Variants in MROH1 observed in about 807,000 individuals in gnomAD.
MROH1 encodes maestro heat like repeat family member 1, also known as maestro heat-like repeat-containing protein family member 1.
MROH1 carries 117 observed loss-of-function variants against 116.5 expected under a neutral mutation model. The ratio of observed to expected loss-of-function variants is 1.00; its 90% confidence interval spans 0.86 to 1.17. MROH1 has a LOEUF of 1.17. MROH1 is among the 50% of genes most tolerant of loss of function. The pLI is 0.00. For synonymous variants in MROH1, 921 were observed against 583.9 expected (o/e 1.58, Z -8.32); for missense variants, 1,873 against 1,338.5 (o/e 1.40, Z -6.23).
At chr8:144,225,553 T>TC (rs1837625279) in intron 14 of MROH1, among the ~76,000 whole-genome samples, 1 of 151,708 alleles carries the variant, frequency 6.6e-6, no homozygotes, top group African/African-American at 2.4e-5. Context: ...AATTTTTTTT[T>TC]AATGGCCAGT....
intron 4 of MROH1, among the ~76,000 whole-genome samples, chr8:144,175,323 T>C (rs963560237): frequency 6.8e-6 from 1 of 148,148 alleles, no homozygotes; most frequent in African/African-American, 2.6e-5. Flanking sequence ...TGGGTATAAA[T>C]GCCCTGCTAC....
chr8:144,149,525 C>T (rs970048319), intron 1 of MROH1, among the ~76,000 whole-genome samples: 8 of 152,096 alleles, frequency 5.3e-5, no homozygotes, highest in African/African-American at 9.7e-5. Context: ...GAAACAGGTG[C>T]TGGTGCTTAG....
chr8:144,200,485 A>G lies in MROH1; in HGVS notation c.1085A>G (p.Asn362Ser). 1 of 1,552,218 alleles carries G rather than the reference A, an allele frequency of 6.4e-7. No homozygotes were observed. Among genetic ancestry groups the G allele is most frequent in the East Asian group, 2.4e-5 (1 of 41,056 alleles). ...CTGCTGCCCAGGCTGGACACCAGCA[A>G]TGAGAGGACCCGCGTGGGCACCCTG... is the stretch of plus-strand genomic sequence containing the variant. The part of the protein sequence containing the change: ...AFLLPRLDTS[N>S]ERTRVGTLQV... The change falls in exon 12 of 44, where the codon AAT (asparagine) becomes AGT (serine). Residue 362 changes from asparagine (N) to serine (S), a missense_variant. Asn to Ser is a conservative substitution (Grantham distance 46). Transcript: ENST00000326134.
intron 7 of MROH1, among the ~76,000 whole-genome samples, chr8:144,186,006 G>A (rs1241643897): frequency 6.6e-6 from 1 of 152,138 alleles, no homozygotes; most frequent in Non-Finnish European, 1.5e-5. Flanking sequence ...AGCAGCGAGT[G>A]CTCCAGGAGA....
chr8:144,200,472 C>G lies in MROH1; in HGVS notation c.1072C>G (p.Leu358Val). The G allele has an allele frequency of 6.4e-7, 1 of 1,551,912 alleles. No homozygotes were observed. Among genetic ancestry groups the G allele is most frequent in the Non-Finnish European group, 8.7e-7 (1 of 1,147,650 alleles). Residue 358 changes from leucine to valine, a missense_variant, in exon 12 of 44, where the codon CTG (leucine) becomes GTG (valine). By Grantham distance (32) the Leu-to-Val change is conservative. Coordinates refer to ENST00000326134, the MANE Select transcript of MROH1 (RefSeq NM_032450.3). ...CCTACTGGCCTTCCTGCTGCCCAGG[C>G]TGGACACCAGCAATGAGAGGACCCG... Reference protein sequence around the residue: ...DRLLAFLLPRLDTSNERTRVG... With the variant: ...DRLLAFLLPRVDTSNERTRVG...
chr8:144,160,106 T>C (rs1004002308), intron 1 of MROH1, among the ~76,000 whole-genome samples: 1 of 152,200 alleles, frequency 6.6e-6, no homozygotes, highest in African/African-American at 2.4e-5. Flanking sequence ...CAGGCGTTGC[T>C]TTTGCTTGGT....
intron 14 of MROH1, among the ~76,000 whole-genome samples, chr8:144,235,234 CT>C (rs1449544664): frequency 6.6e-6 from 1 of 152,174 alleles, no homozygotes; most frequent in Non-Finnish European, 1.5e-5. Flanking sequence ...ATACTGCAAC[CT>C]TGTTGAACTT....
intron 26 of MROH1, 83 bp downstream of exon 26, chr8:144,244,025 CGT>C: frequency 5.4e-6 from 4 of 738,104 alleles, no homozygotes; most frequent in Non-Finnish European, 1.0e-5. Flanking sequence ...CGTGTATGCG[CGT>C]GTGCATGTGC....
intron 14 of MROH1, among the ~76,000 whole-genome samples, chr8:144,227,167 A>G (rs1361338798): frequency 6.6e-6 from 1 of 152,214 alleles, no homozygotes; most frequent in Non-Finnish European, 1.5e-5. Flanking sequence ...TTCTACATAG[A>G]GCATCATGTC....
At chr8:144,179,938 GCT>G (rs1825134177) in intron 5 of MROH1, among the ~76,000 whole-genome samples, 1 of 72,346 alleles carries the variant, frequency 1.4e-5, no homozygotes, top group African/African-American at 3.5e-5. Flanking sequence ...CCAGGGCTCT[GCT>G]GCTCCTGCGT....
chr8:144,233,598 C>T (rs1414553290), intron 14 of MROH1, among the ~76,000 whole-genome samples: 1 of 152,078 alleles, frequency 6.6e-6, no homozygotes. Flanking sequence ...ACGTAAACAG[C>T]GTTTGTCCTT....
chr8:144,152,555 A>ATTATTTTTTTT (rs1369841266), intron 1 of MROH1, among the ~76,000 whole-genome samples: 9 of 130,528 alleles, frequency 6.9e-5, no homozygotes, highest in African/African-American at 2.5e-4. Flanking sequence ...TATTATTATT[A>ATTATTTTTTTT]TTTTTTTTTT....
Position 144,242,487 on chromosome 8 carries a change from G to A in MROH1, c.2297G>A (p.Arg766Gln), listed in dbSNP as rs1214499444. 2.8e-5 allele frequency: 22 copies of A among 780,560 alleles called. No individual in the cohort carries two copies. The highest frequency in any genetic ancestry group is 1.4e-4 in the Admixed American group (8 of 59,016). 48.4% of individuals were successfully genotyped at this position (780,560 alleles called of 1,614,324 possible). Residue 766 changes from arginine (R) to glutamine (Q), a missense_variant, in exon 23 of 44, where the codon CGG (arginine) becomes CAG (glutamine). Transcript: ENST00000326134. ...GCCAAGGTAGAGTCAGACATCCTCC[G>A]GAACATCTGCCAGCACTTCAGCACC... The part of the protein sequence containing the change: ...VLAKVESDIL[R>Q]NICQHFSTKV...
At position 144,241,466 on chromosome 8, in the gene MROH1, C is replaced by T. The variant is rs1415491962; in HGVS notation, c.2127C>T (p.Phe709=). The T allele has an allele frequency of 4.6e-5, 36 of 778,592 alleles. 1 individual carries two copies. The highest frequency in any genetic ancestry group is 1.0e-4 in the Admixed American group (6 of 59,022). 48.2% of individuals were successfully genotyped at this position (778,592 alleles called of 1,614,324 possible). A position where few individuals can be genotyped will look rare whatever the true frequency, so the allele number is the denominator to read the frequency against. ...ACACGCTGGCCCAGCTGGAGGACTT[C>T]GTGAGGTCAGAGGTCTTCAGAAAAT... ...LEDTLAQLED[F]VRSEVFRKSI... Residue 709 remains phenylalanine, a synonymous_variant, in exon 22 of 44, where the codon TTC becomes TTT. Coordinates refer to ENST00000326134, the MANE Select transcript of MROH1 (RefSeq NM_032450.3).
At chr8:144,187,621 G>A (rs1451337866) in intron 7 of MROH1, among the ~76,000 whole-genome samples, 1 of 152,356 alleles carries the variant, frequency 6.6e-6, no homozygotes, top group East Asian at 1.9e-4. Flanking sequence ...AGACTCAGAG[G>A]TGCCAGCTCC....
intron 12 of MROH1, among the ~76,000 whole-genome samples, chr8:144,202,617 TGGAGGGG>T: frequency 9.8e-5 from 1 of 10,210 alleles, no homozygotes; most frequent in Non-Finnish European, 2.5e-4. Context: ...AGGCTCTCTG[TGGAGGGG>T]TGGGGAGGGG....
At position 144,154,334 on chromosome 8, in the gene MROH1, G is replaced by A. The variant is rs980406912; in HGVS notation, c.-177+6258G>A. 5.5e-4 allele frequency among the ~76,000 whole-genome samples: 83 copies of A among 152,138 alleles called. 1 individual carries two copies. Among genetic ancestry groups the A allele is most frequent in the Admixed American group, 2.6e-3 (40 of 15,258 alleles). On this transcript the variant is annotated intron_variant, in intron 1 of 43. Transcript: ENST00000326134. ...CCGCAGCTATAGACCTCAGTCTATGGTACAAACTAGGCAGCTCAACTTGTT... is the reference window on the plus strand; with the variant it reads ...CCGCAGCTATAGACCTCAGTCTATGATACAAACTAGGCAGCTCAACTTGTT...
At position 144,261,098 on chromosome 8, in the gene MROH1, C is replaced by A. The variant is rs1023953819; in HGVS notation, c.4672-16C>A. On this transcript the variant is annotated splice_polypyrimidine_tract_variant and intron_variant, in intron 41 of 43. Coordinates refer to ENST00000326134, the MANE Select transcript of MROH1 (RefSeq NM_032450.3). ...GTGGGGCGGGGCCAGGCGGCACTGA[C>A]CAGGCCTCTCCCCAGATGCACCATT... 3 of 775,368 alleles carry A rather than the reference C, an allele frequency of 3.9e-6. No individual in the cohort carries two copies. Among genetic ancestry groups the A allele is most frequent in the Non-Finnish European group, 7.2e-6 (3 of 417,646 alleles). The allele number at this position is 775,368 out of a possible 1,614,324, so 48.0% of individuals were successfully genotyped here.
Position 144,255,634 on chromosome 8 carries a change from C to T in MROH1, c.3720C>T (p.Pro1240=), listed in dbSNP as rs2133272034. The T allele has an allele frequency of 1.3e-6, 1 of 773,698 alleles. No homozygotes were observed. Among genetic ancestry groups the T allele is most frequent in the South Asian group, 1.4e-5 (1 of 73,246 alleles). The allele number at this position is 773,698 out of a possible 1,614,324, so 47.9% of individuals were successfully genotyped here. Residue 1240 remains proline, a synonymous_variant, in exon 35 of 44, where the codon CCC becomes CCT. Coordinates refer to ENST00000326134, the MANE Select transcript of MROH1 (RefSeq NM_032450.3). ...RVSCTVGVQL[P]RNLQAQERRG... ...GCTGCACCGTGGGTGTCCAGCTGCC[C>T]CGGAACCTGCAGGCCCAGGAAAGGA... is the stretch of plus-strand genomic sequence containing the variant.
Sources: allele counts gnomAD v4.1 joint callset (sites outside exome capture counted in the v4.1 genomes callset), GRCh38; gene constraint gnomAD v4.1.1; transcripts MANE v1.5; gene names NCBI Gene and HGNC (gene_info 2026-07-23, HGNC 2026-07-21).